CTNNA3: variants seen among roughly 807,000 people sequenced by gnomAD.
The protein encoded by CTNNA3 is catenin alpha 3.
CTNNA3 carries 76 observed loss-of-function variants against 95.7 expected under a neutral mutation model. That is an observed-to-expected ratio of 0.79 (90% CI 0.66 to 0.96). The LOEUF (loss-of-function observed/expected upper bound fraction) is 0.96. CTNNA3 is among the 40% of genes least tolerant of loss of function. The pLI, the probability that CTNNA3 is intolerant of heterozygous loss-of-function variation, is 0.00. For missense variants in CTNNA3, 1,191 were observed against 1,089.8 expected, an observed-to-expected ratio of 1.09 and a Z score of -1.31; for synonymous variants, 431 against 374.4, an observed-to-expected ratio of 1.15 and a Z score of -1.74.
At chr10:66,847,074 T>A (rs539169516) in intron 7 of CTNNA3, among the ~76,000 whole-genome samples, 47 of 152,334 alleles carry the variant, frequency 3.1e-4, no homozygotes, top group Non-Finnish European at 5.3e-4. Context: ...GGGAGCCAGT[T>A]TCTAGGCTGC....
chr10:66,777,242 C>G (rs1006722452), intron 7 of CTNNA3, among the ~76,000 whole-genome samples: 7 of 152,114 alleles, frequency 4.6e-5, no homozygotes, highest in African/African-American at 1.7e-4. Context: ...AATACCAAAT[C>G]TGGCGCACTG....
chr10:66,637,706 G>A (rs934552288), intron 9 of CTNNA3, among the ~76,000 whole-genome samples: 5 of 152,186 alleles, frequency 3.3e-5, no homozygotes, highest in African/African-American at 1.2e-4. Flanking sequence ...TAACCTTAAT[G>A]AGCACCTCCC....
At chr10:67,116,566 T>C (rs1000687596) in intron 7 of CTNNA3, among the ~76,000 whole-genome samples, 1 of 151,422 alleles carries the variant, frequency 6.6e-6, no homozygotes, top group African/African-American at 2.4e-5. Context: ...GTGAGGGAGT[T>C]TGGTTGAATT....
At chr10:66,254,512 G>T (rs1456429925) in intron 13 of CTNNA3, among the ~76,000 whole-genome samples, 1 of 152,114 alleles carries the variant, frequency 6.6e-6, no homozygotes, top group East Asian at 1.9e-4. Flanking sequence ...TTCACACTCA[G>T]TCCTCCCTTG....
chr10:66,940,103 T>G (rs1473172206), intron 7 of CTNNA3, among the ~76,000 whole-genome samples: 1 of 152,188 alleles, frequency 6.6e-6, no homozygotes, highest in Admixed American at 6.5e-5. Flanking sequence ...GGAATCTGCT[T>G]GGTCCAACTT....
intron 7 of CTNNA3, among the ~76,000 whole-genome samples, chr10:67,046,712 T>C (rs1854771632): frequency 6.6e-6 from 1 of 152,202 alleles, no homozygotes; most frequent in South Asian, 2.1e-4. Context: ...ATGTATTGAC[T>C]CAGCATTTTG....
At chr10:67,073,841 T>G (rs1856592616) in intron 7 of CTNNA3, among the ~76,000 whole-genome samples, 1 of 152,170 alleles carries the variant, frequency 6.6e-6, no homozygotes, top group South Asian at 2.1e-4. Context: ...TGTTTCACAA[T>G]TACCTGAATT....
At chr10:65,940,509 C>T (rs1270116084) in intron 17 of CTNNA3, among the ~76,000 whole-genome samples, 1 of 152,168 alleles carries the variant, frequency 6.6e-6, no homozygotes, top group Non-Finnish European at 1.5e-5. Context: ...CTGACTCTTT[C>T]ATATCACTGA....
chr10:67,082,038 C>A (rs150877910), intron 7 of CTNNA3, among the ~76,000 whole-genome samples: 3 of 152,110 alleles, frequency 2.0e-5, no homozygotes, highest in Non-Finnish European at 4.4e-5. Context: ...ACCTAGGCTA[C>A]CTTTGTTAGA....
At chr10:65,924,023 T>C (rs973113161) in intron 17 of CTNNA3, among the ~76,000 whole-genome samples, 1 of 152,194 alleles carries the variant, frequency 6.6e-6, no homozygotes, top group Admixed American at 6.5e-5. Flanking sequence ...GAATTCCTTT[T>C]ACTTTTATTT....
At chr10:66,583,302 G>T (rs200424044) in intron 10 of CTNNA3, among the ~76,000 whole-genome samples, 1 of 1,294 alleles carries the variant, frequency 7.7e-4, no homozygotes, top group Admixed American at 1.7e-3. Flanking sequence ...TTTGGTTTTT[G>T]TTGTTGTTGT....
At position 66,608,670 on chromosome 10, in the gene CTNNA3, CA is replaced by C. The variant is rs530547347; in HGVS notation, c.1374+13021del. ...CATCTGATCTTCAAAAAAAAACTGA[CA>C]AAAAACAAGCAATGGGAAAGGATTC... On this transcript the variant is annotated intron_variant, in intron 10 of 17. Coordinates refer to ENST00000433211, the MANE Select transcript of CTNNA3 (RefSeq NM_013266.4). Among the ~76,000 whole-genome samples, 33 of 152,022 alleles carry C rather than the reference CA, an allele frequency of 2.2e-4. No individual in the cohort carries two copies. The East Asian group carries it at 5.8e-3, about 27-fold the overall frequency.
intron 15 of CTNNA3, among the ~76,000 whole-genome samples, chr10:66,046,512 A>T (rs1378362812): frequency 1.3e-5 from 2 of 152,220 alleles, no homozygotes; most frequent in African/African-American, 4.8e-5. Context: ...CCACATCAAA[A>T]TTTAGAAAAA....
In CTNNA3 at chr10:67,508,084, G is replaced by C. The variant is rs1839485503; in HGVS notation, c.579+13758C>G. ...GCTGGAGTACAGTGGCGCAATTGTA[G>C]CTCATTACAACCTCCACCTCCCAGG... On this transcript the variant is annotated intron_variant, in intron 5 of 17. Coordinates refer to ENST00000433211, the MANE Select transcript of CTNNA3 (RefSeq NM_013266.4). 2.6e-5 allele frequency among the ~76,000 whole-genome samples: 4 copies of C among 152,242 alleles called. No individual in the cohort carries two copies. In the South Asian group the frequency reaches 6.2e-4, roughly 24 times the overall value.
chr10:66,711,165 C>T (rs1157763689), intron 9 of CTNNA3, among the ~76,000 whole-genome samples: 2 of 148,176 alleles, frequency 1.3e-5, no homozygotes, highest in Admixed American at 1.4e-4. Flanking sequence ...TTTGTTAGAA[C>T]ATGTATTCTG....
intron 9 of CTNNA3, among the ~76,000 whole-genome samples, chr10:66,701,054 T>C (rs1428168895): frequency 2.6e-5 from 4 of 152,154 alleles, no homozygotes. Flanking sequence ...AAATTTTTGG[T>C]AGGAGGTTAT....
At chr10:66,068,991 A>T (rs1315335761) in intron 15 of CTNNA3, among the ~76,000 whole-genome samples, 1 of 152,200 alleles carries the variant, frequency 6.6e-6, no homozygotes, top group Non-Finnish European at 1.5e-5. Context: ...AATACCAGCG[A>T]ATCACTTGGT....
At chr10:66,845,146 C>T (rs1843199932) in intron 7 of CTNNA3, among the ~76,000 whole-genome samples, 1 of 151,978 alleles carries the variant, frequency 6.6e-6, no homozygotes, top group East Asian at 1.9e-4. Flanking sequence ...TTTGCACTGA[C>T]ATGGAGAAAT....
chr10:67,745,231 T>G (rs1841367509), intron 1 of CTNNA3, among the ~76,000 whole-genome samples: 1 of 152,164 alleles, frequency 6.6e-6, no homozygotes, highest in Non-Finnish European at 1.5e-5. Context: ...GCAGCACTAT[T>G]CACGATAGCC....
Sources: allele counts gnomAD v4.1 joint callset (sites outside exome capture counted in the v4.1 genomes callset), GRCh38; gene constraint gnomAD v4.1.1; transcripts MANE v1.5; gene names NCBI Gene and HGNC (gene_info 2026-07-23, HGNC 2026-07-21).